Variants in RAB22A observed in about 807,000 individuals in gnomAD.
RAB22A encodes RAB22A, member RAS oncogene family.
Under a neutral mutation model 30.2 loss-of-function variants are expected in RAB22A, and 13 were observed. The observed-to-expected ratio is 0.43, with a 90% CI of 0.28 to 0.68. The LOEUF is 0.68. RAB22A is among the 30% of genes least tolerant of loss of function. The pLI, the probability that RAB22A is intolerant of heterozygous loss-of-function variation, is 0.18. For missense variants in RAB22A, 177 were observed against 246.8 expected, an observed-to-expected ratio of 0.72 and a Z score of 1.89; for synonymous variants, 89 against 87.2, an observed-to-expected ratio of 1.02 and a Z score of -0.11.
rs1987239174 is a variant in RAB22A at position 58,362,235 on chromosome 20, A to G, written c.*2532A>G. On this transcript the variant is annotated 3_prime_UTR_variant, in exon 7 of 7. Transcript: ENST00000244040. Reference sequence around the variant, plus strand: ...ATCCATACTCAGTGAAAGCAGGGAAAAAATATTTTCACTTATTTTATTTGC... The same window carrying G: ...ATCCATACTCAGTGAAAGCAGGGAAGAAATATTTTCACTTATTTTATTTGC... 1.3e-5 allele frequency: 2 copies of G among 152,208 alleles called. No homozygotes were observed. Among genetic ancestry groups the G allele is most frequent in the Admixed American group, 6.5e-5 (1 of 15,286 alleles). The allele number at this position is 152,208 out of a possible 1,614,324, so 9.4% of individuals were successfully genotyped here. A position where few individuals can be genotyped will look rare whatever the true frequency, so the allele number is the denominator to read the frequency against.
chr20:58,353,176 A>T (rs1987080426), intron 3 of RAB22A, 97 bp from the exon 4 acceptor site: 3 of 1,144,578 alleles, frequency 2.6e-6, no homozygotes, highest in Admixed American at 4.7e-5. Flanking sequence ...TAAGAGAAAG[A>T]TTACTTTTTG....
rs1987295811 is a variant in RAB22A at position 58,365,246 on chromosome 20, CAAGG to C, written c.*5546_*5549del. 1 of 152,184 alleles carries C rather than the reference CAAGG, an allele frequency of 6.6e-6. No homozygotes were observed. 9.4% of individuals were successfully genotyped at this position (152,184 alleles called of 1,614,324 possible). On this transcript the variant is annotated 3_prime_UTR_variant, in exon 7 of 7. Coordinates refer to ENST00000244040, the MANE Select transcript of RAB22A (RefSeq NM_020673.3). ...CACATAGGGCCAAAATTGAAATTGTCAAGGAAACCCCTCAGCATCTAACGTCATC... is the reference window on the plus strand; with the variant it reads ...CACATAGGGCCAAAATTGAAATTGTCAAACCCCTCAGCATCTAACGTCATC...
chr20:58,348,980 A>C (rs1600739369), intron 3 of RAB22A, among the ~76,000 whole-genome samples: 1 of 152,328 alleles, frequency 6.6e-6, no homozygotes, highest in African/African-American at 2.4e-5. Flanking sequence ...CCATAAAGCC[A>C]AAATATTCAC....
At chr20:58,327,363 G>A (rs565990) in intron 2 of RAB22A, among the ~76,000 whole-genome samples, 5,654 of 152,274 alleles carry the variant, frequency 0.037, 154 homozygotes, top group Non-Finnish European at 0.056. Context: ...CACTCTGATG[G>A]TGTTGCAATC....
At chr20:58,355,475 G>A (rs1462100524) in intron 6 of RAB22A, among the ~76,000 whole-genome samples, 1 of 152,132 alleles carries the variant, frequency 6.6e-6, no homozygotes, top group African/African-American at 2.4e-5. Flanking sequence ...GATATGGCCA[G>A]TGAACTACTG....
chr20:58,347,916 G>A (rs1194680479), intron 3 of RAB22A, among the ~76,000 whole-genome samples: 1 of 152,182 alleles, frequency 6.6e-6, no homozygotes, highest in African/African-American at 2.4e-5. Flanking sequence ...CTTGCCATCT[G>A]TGTGTGATTG....
chr20:58,338,263 G>A (rs1225117936), intron 2 of RAB22A, among the ~76,000 whole-genome samples: 7 of 152,114 alleles, frequency 4.6e-5, no homozygotes, highest in Admixed American at 4.6e-4. Flanking sequence ...CTGACCTCAA[G>A]TATCAGCCCG....
At chr20:58,354,774 A>G (rs893666919) in intron 6 of RAB22A, among the ~76,000 whole-genome samples, 3 of 152,136 alleles carry the variant, frequency 2.0e-5, no homozygotes, top group Admixed American at 2.0e-4. Context: ...GATCGTATCT[A>G]TGTTTATTCA....
chr20:58,341,880 T>C (rs186562151), intron 2 of RAB22A, among the ~76,000 whole-genome samples: 1 of 152,324 alleles, frequency 6.6e-6, no homozygotes, highest in East Asian at 1.9e-4. Context: ...GTTGGATGTG[T>C]TGGCTCTGTT....
At chr20:58,312,518 T>C in intron 2 of RAB22A, among the ~76,000 whole-genome samples, 1 of 123,742 alleles carries the variant, frequency 8.1e-6, no homozygotes. Context: ...AGGTGGAGTC[T>C]CGCTCTGTTG....
intron 2 of RAB22A, among the ~76,000 whole-genome samples, chr20:58,334,172 AAC>A (rs1170052715): frequency 2.0e-5 from 3 of 151,938 alleles, no homozygotes; most frequent in East Asian, 1.9e-4. Flanking sequence ...CTCTACTAAA[AAC>A]ACAAAAAAAC....
chr20:58,316,558 AATC>A (rs1306857339), intron 2 of RAB22A, among the ~76,000 whole-genome samples: 1 of 151,990 alleles, frequency 6.6e-6, no homozygotes, highest in Non-Finnish European at 1.5e-5. Flanking sequence ...CCCCCATTAA[AATC>A]ACCACCGTAG....
intron 5 of RAB22A, among the ~76,000 whole-genome samples, 200 bp from the exon 6 acceptor site, chr20:58,353,956 A>G (rs753485394): frequency 1.3e-4 from 20 of 152,180 alleles, no homozygotes; most frequent in Non-Finnish European, 2.1e-4. Context: ...TAGCTACATT[A>G]CTAGTGGTAC....
In RAB22A at chr20:58,362,342, A is replaced by G. The variant is rs1402608964; in HGVS notation, c.*2639A>G. 1.3e-5 allele frequency: 2 copies of G among 152,378 alleles called. No individual in the cohort carries two copies. Among genetic ancestry groups the G allele is most frequent in the Non-Finnish European group, 1.5e-5 (1 of 68,044 alleles). 9.4% of individuals were successfully genotyped at this position (152,378 alleles called of 1,614,324 possible). On this transcript the variant is annotated 3_prime_UTR_variant, in exon 7 of 7. Transcript: ENST00000244040. ...TTTTGGATTATTAAGCTGACTAAGC[A>G]ATGATCTAATACACATTTCATATTT...
chr20:58,359,877 C>A lies in RAB22A; in HGVS notation c.*174C>A. The A allele has an allele frequency of 2.1e-6, 1 of 472,374 alleles. No individual in the cohort carries two copies. The highest frequency in any genetic ancestry group is 3.8e-6 in the Non-Finnish European group (1 of 265,654). 29.3% of individuals were successfully genotyped at this position (472,374 alleles called of 1,614,324 possible). A position where few individuals can be genotyped will look rare whatever the true frequency, so the allele number is the denominator to read the frequency against. Reference sequence around the variant, plus strand: ...TCCAAAGACTGCAGCAATGATATTTCAGTCTGTGAACTTCTATTATGTAAA... The same window carrying A: ...TCCAAAGACTGCAGCAATGATATTTAAGTCTGTGAACTTCTATTATGTAAA... On this transcript the variant is annotated 3_prime_UTR_variant, in exon 7 of 7. Coordinates refer to ENST00000244040, the MANE Select transcript of RAB22A (RefSeq NM_020673.3).
chr20:58,358,889 C>T (rs1568683288), intron 6 of RAB22A, among the ~76,000 whole-genome samples: 1 of 148,542 alleles, frequency 6.7e-6, no homozygotes, highest in Non-Finnish European at 1.5e-5. Flanking sequence ...AGCCGATAGC[C>T]TGTCTCAAAA....
At chr20:58,337,867 G>A (rs1441308046) in intron 2 of RAB22A, among the ~76,000 whole-genome samples, 2 of 152,134 alleles carry the variant, frequency 1.3e-5, no homozygotes, top group Non-Finnish European at 2.9e-5. Flanking sequence ...ATTCAGTTGG[G>A]TCACATGTGA....
Position 58,318,996 on chromosome 20 carries a change from A to T in RAB22A, c.116+7874A>T, listed in dbSNP as rs1986400143. On this transcript the variant is annotated intron_variant, in intron 2 of 6. Coordinates refer to ENST00000244040, the MANE Select transcript of RAB22A (RefSeq NM_020673.3). Reference sequence around the variant, plus strand: ...GAATGGTGTATGTCGTATGGAAAGCATTTGTTATTTCTTAGCAAATGACAA... The same window carrying T: ...GAATGGTGTATGTCGTATGGAAAGCTTTTGTTATTTCTTAGCAAATGACAA... 1.3e-5 allele frequency among the ~76,000 whole-genome samples: 2 copies of T among 152,210 alleles called. 1 individual carries two copies. The highest frequency in any genetic ancestry group is 1.3e-4 in the Admixed American group (2 of 15,288).
At chr20:58,324,945 G>A (rs1986535236) in intron 2 of RAB22A, among the ~76,000 whole-genome samples, 1 of 104,000 alleles carries the variant, frequency 9.6e-6, no homozygotes, top group African/African-American at 5.4e-5. Context: ...GGAGGCCAAG[G>A]CGGGCAGATC....
Sources: gnomAD v4.1 joint callset for allele counts (sites outside exome capture counted in the v4.1 genomes callset) on GRCh38, gnomAD v4.1.1 for gene constraint, MANE v1.5 for transcripts, NCBI Gene and HGNC (gene_info 2026-07-23, HGNC 2026-07-21) for gene names.